Variants in B3GALT1 observed in about 807,000 individuals in gnomAD.
The protein encoded by B3GALT1 is beta-1,3-galactosyltransferase 1.
A neutral mutation model predicts 23.2 loss-of-function variants in B3GALT1; 10 were observed. That is an observed-to-expected ratio of 0.43 (90% CI 0.27 to 0.73). The LOEUF (loss-of-function observed/expected upper bound fraction) is 0.73. Ranked by LOEUF, B3GALT1 falls within the 30% of genes least tolerant of loss-of-function variation. B3GALT1 has a pLI of 0.21. For synonymous variants in B3GALT1, 156 were observed against 141.5 expected (o/e 1.10, Z -0.73); for missense variants, 299 against 405.4 (o/e 0.74, Z 2.25).
At chr2:167,769,607 C>T (rs4667974) in intron 3 of B3GALT1, among the ~76,000 whole-genome samples, 1,746 of 152,162 alleles carry the variant, frequency 0.011, 63 homozygotes, top group Admixed American at 0.075. Context: ...CAGAACTAGT[C>T]TCTGTTCCTA....
At chr2:167,676,635 C>A (rs1256978597) in intron 3 of B3GALT1, among the ~76,000 whole-genome samples, 1 of 152,084 alleles carries the variant, frequency 6.6e-6, no homozygotes, top group Non-Finnish European at 1.5e-5. Flanking sequence ...AATCTCAGCT[C>A]ACTGCAACCT....
intron 2 of B3GALT1, among the ~76,000 whole-genome samples, chr2:167,558,613 G>A (rs545193927): frequency 1.4e-4 from 22 of 152,272 alleles, no homozygotes; most frequent in East Asian, 1.4e-3. Context: ...TGAATACTGC[G>A]CTTTTCCGAC....
chr2:167,694,459 A>G (rs1686761666), intron 3 of B3GALT1, among the ~76,000 whole-genome samples: 1 of 152,166 alleles, frequency 6.6e-6, no homozygotes, highest in Non-Finnish European at 1.5e-5. Flanking sequence ...TATGTAAACA[A>G]GGCTCTCAAT....
intron 1 of B3GALT1, among the ~76,000 whole-genome samples, chr2:167,395,854 G>C (rs1004817376): frequency 6.6e-6 from 1 of 152,102 alleles, no homozygotes; most frequent in Admixed American, 6.6e-5. Flanking sequence ...AAGTAAAGGT[G>C]AGGAATGTTT....
chr2:167,549,378 C>T lies in B3GALT1; in HGVS notation c.-410+59101C>T, dbSNP rs142804579. Among the ~76,000 whole-genome samples, 863 of 152,268 alleles carry T rather than the reference C, an allele frequency of 5.7e-3. 3 individuals are homozygous for T. The highest frequency in any genetic ancestry group is 8.7e-3 in the Non-Finnish European group (589 of 68,020). On this transcript the variant is annotated intron_variant, in intron 2 of 4. Coordinates refer to ENST00000392690, the MANE Select transcript of B3GALT1 (RefSeq NM_020981.4). ...CCCTGGCCTGCAGAACATATGTCGACTTTCCACAGTGCCCTGCTGCCTCAC... is the reference window on the plus strand; with the variant it reads ...CCCTGGCCTGCAGAACATATGTCGATTTTCCACAGTGCCCTGCTGCCTCAC...
At chr2:167,755,335 G>A (rs2105291449) in intron 3 of B3GALT1, among the ~76,000 whole-genome samples, 1 of 151,892 alleles carries the variant, frequency 6.6e-6, no homozygotes, top group East Asian at 2.0e-4. Context: ...AGGACCCTGG[G>A]CAGAATGTTG....
chr2:167,377,507 C>CTA (rs1344379400), intron 1 of B3GALT1, among the ~76,000 whole-genome samples: 1 of 152,066 alleles, frequency 6.6e-6, no homozygotes, highest in Non-Finnish European at 1.5e-5. Flanking sequence ...TCAGGGTGCT[C>CTA]TAATGTTCAG....
intron 3 of B3GALT1, among the ~76,000 whole-genome samples, chr2:167,663,829 T>C (rs1167456901): frequency 6.6e-6 from 1 of 152,170 alleles, no homozygotes; most frequent in Non-Finnish European, 1.5e-5. Flanking sequence ...TCTTGTAAAT[T>C]TGTTGGAGTT....
intron 3 of B3GALT1, among the ~76,000 whole-genome samples, chr2:167,743,817 G>C (rs1687613438): frequency 6.6e-6 from 1 of 151,946 alleles, no homozygotes; most frequent in South Asian, 2.1e-4. Flanking sequence ...TCTTATTCCA[G>C]TGGTTTTTTT....
In B3GALT1 at chr2:167,593,089, A is replaced by G. The variant is rs529057516; in HGVS notation, c.-409-53820A>G. On this transcript the variant is annotated intron_variant, in intron 2 of 4. Coordinates refer to ENST00000392690, the MANE Select transcript of B3GALT1 (RefSeq NM_020981.4). ...GGGAAAGTGAAAAATGAAAATATTC[A>G]TACCATACACTCTAGCATTTCCTCT... is the stretch of plus-strand genomic sequence containing the variant. Among the ~76,000 whole-genome samples the G allele has an allele frequency of 1.1e-4, 16 of 152,350 alleles. No individual in the cohort carries two copies. The South Asian group carries it at 3.1e-3, about 30-fold the overall frequency.
intron 1 of B3GALT1, among the ~76,000 whole-genome samples, chr2:167,385,078 C>A (rs1313094394): frequency 6.6e-6 from 1 of 152,060 alleles, no homozygotes; most frequent in Non-Finnish European, 1.5e-5. Context: ...GAAATTGAGG[C>A]TTGGGGAAGT....
intron 3 of B3GALT1, among the ~76,000 whole-genome samples, chr2:167,691,617 T>C (rs1426196547): frequency 6.6e-6 from 1 of 152,178 alleles, no homozygotes; most frequent in African/African-American, 2.4e-5. Context: ...TGTTCTCTGC[T>C]GTATCACCAG....
At chr2:167,651,256 G>C (rs1442061067) in intron 3 of B3GALT1, among the ~76,000 whole-genome samples, 1 of 9,988 alleles carries the variant, frequency 1.0e-4, no homozygotes, top group Non-Finnish European at 2.7e-3. Context: ...GTGTGTGTGT[G>C]TGTGTGTGTG....
At chr2:167,746,565 T>G (rs1243218534) in intron 3 of B3GALT1, among the ~76,000 whole-genome samples, 1 of 152,240 alleles carries the variant, frequency 6.6e-6, no homozygotes, top group Non-Finnish European at 1.5e-5. Flanking sequence ...ACAAATTTAT[T>G]TTATTGACTT....
In B3GALT1 at chr2:167,425,918, C is replaced by T. The variant is rs957280093; in HGVS notation, c.-510-64259C>T. Among the ~76,000 whole-genome samples, 4 of 152,174 alleles carry T rather than the reference C, an allele frequency of 2.6e-5. No homozygotes were observed. The East Asian group carries it at 5.8e-4, about 22-fold the overall frequency. ...CGAACTGAAAAAAATATTGTTCTGA[C>T]ATCAGGCATAATATACCATTTTTTG... On this transcript the variant is annotated intron_variant, in intron 1 of 4. Transcript: ENST00000392690.
intron 3 of B3GALT1, among the ~76,000 whole-genome samples, chr2:167,771,428 T>TAAAC (rs927278301): frequency 6.6e-6 from 1 of 151,886 alleles, no homozygotes; most frequent in African/African-American, 2.4e-5. Context: ...CATCTCAATT[T>TAAAC]AAACAAACAA....
chr2:167,609,012 C>T (rs1318592665), intron 2 of B3GALT1, among the ~76,000 whole-genome samples: 1 of 151,706 alleles, frequency 6.6e-6, no homozygotes, highest in Admixed American at 6.6e-5. Flanking sequence ...ATTAGAGAAA[C>T]AAATATTACA....
chr2:167,772,979 AT>A (rs1311985631), intron 3 of B3GALT1, among the ~76,000 whole-genome samples: 1 of 152,168 alleles, frequency 6.6e-6, no homozygotes, highest in Non-Finnish European at 1.5e-5. Context: ...AAAAATTTCT[AT>A]GGGCTTCATA....
intron 2 of B3GALT1, among the ~76,000 whole-genome samples, chr2:167,506,457 A>C (rs1226106086): frequency 1.3e-5 from 2 of 152,238 alleles, no homozygotes; most frequent in Admixed American, 1.3e-4. Flanking sequence ...CTTATGGCAA[A>C]TAAAGTGAAT....
Sources: allele counts gnomAD v4.1 joint callset (sites outside exome capture counted in the v4.1 genomes callset), GRCh38; gene constraint gnomAD v4.1.1; transcripts MANE v1.5; gene names NCBI Gene and HGNC (gene_info 2026-07-23, HGNC 2026-07-21).